Variants in IQSEC3 observed in about 807,000 individuals in gnomAD.
IQSEC3 encodes IQ motif and Sec7 domain ArfGEF 3, also known as IQ motif and SEC7 domain-containing protein 3.
Under a neutral mutation model 105.4 loss-of-function variants are expected in IQSEC3, and 50 were observed. The observed-to-expected ratio is 0.47, with a 90% confidence interval of 0.38 to 0.60. IQSEC3 has a LOEUF of 0.60. IQSEC3 is among the 20% of genes least tolerant of loss of function. The probability of loss-of-function intolerance (pLI) is 0.00; values close to 1 mark genes in which losing one functional copy is unlikely to be tolerated. For synonymous variants in IQSEC3, 708 were observed against 746.0 expected, an observed-to-expected ratio of 0.95 and a Z score of 0.83; for missense variants, 1,415 against 1,630.0, an observed-to-expected ratio of 0.87 and a Z score of 2.27.
chr12:86,406 C>T (rs551738820), intron 1 of IQSEC3, among the ~76,000 whole-genome samples: 131 of 152,218 alleles, frequency 8.6e-4, no homozygotes, highest in Non-Finnish European at 1.7e-3. Flanking sequence ...CTTTGCTGTC[C>T]CCATAATACT....
At chr12:78,444 G>C (rs1863632941) in intron 1 of IQSEC3, among the ~76,000 whole-genome samples, 1 of 151,738 alleles carries the variant, frequency 6.6e-6, no homozygotes, top group Non-Finnish European at 1.5e-5. Context: ...CGGTGACACC[G>C]AGGTACAAAT....
At chr12:92,084 T>C (rs1864105979) in intron 1 of IQSEC3, among the ~76,000 whole-genome samples, 1 of 152,090 alleles carries the variant, frequency 6.6e-6, no homozygotes, top group African/African-American at 2.4e-5. Context: ...ATGTTTAGGT[T>C]TTACCACATC....
chr12:120,359 TG>T (rs1555081653), intron 2 of IQSEC3, among the ~76,000 whole-genome samples: 1 of 151,966 alleles, frequency 6.6e-6, no homozygotes, highest in Non-Finnish European at 1.5e-5. Context: ...AAAGTATCAG[TG>T]TGGACGGAGT....
chr12:162,089 C>G (rs1833680072), intron 8 of IQSEC3, 24 bp downstream of exon 8: 1 of 1,609,786 alleles, frequency 6.2e-7, no homozygotes, highest in Admixed American at 1.7e-5. Context: ...AGCTACCTAT[C>G]TCCCGTCTCC....
At chr12:159,702 G>A (rs1326853973) in intron 7 of IQSEC3, among the ~76,000 whole-genome samples, 1 of 152,182 alleles carries the variant, frequency 6.6e-6, no homozygotes, top group Non-Finnish European at 1.5e-5. Flanking sequence ...GATGCATCTT[G>A]CTACAGTTCT....
intron 1 of IQSEC3, among the ~76,000 whole-genome samples, chr12:68,251 CA>C (rs1317073142): frequency 6.6e-6 from 1 of 151,438 alleles, no homozygotes; most frequent in African/African-American, 2.4e-5. Context: ...GTTTTTCATA[CA>C]GGGTGTTTGG....
chr12:117,209 G>T (rs782741268), intron 2 of IQSEC3, among the ~76,000 whole-genome samples: 2 of 152,118 alleles, frequency 1.3e-5, no homozygotes, highest in Admixed American at 1.3e-4. Flanking sequence ...CACAAGAGCA[G>T]ACGTGAAAGG....
At position 165,855 on chromosome 12, in the gene IQSEC3, C is replaced by T; in HGVS notation, c.2936C>T (p.Ala979Val). The change falls in exon 11 of 14, where the codon GCT (alanine) becomes GTT (valine). Residue 979 changes from alanine to valine, a missense_variant. Transcript: ENST00000538872. ...GTGGAGGACCTGAAGGAGTCCATTG[C>T]TGAGGTGACGGAGCTGGAGCAGATC... ...KFVEDLKESI[A>V]EVTELEQIRI... 6.2e-7 allele frequency: 1 copy of T among 1,614,106 alleles called. No homozygotes were observed. Among genetic ancestry groups the T allele is most frequent in the African/African-American group, 1.3e-5 (1 of 75,076 alleles).
At chr12:67,649 G>A (rs2136848058) in intron 1 of IQSEC3, among the ~76,000 whole-genome samples, 1 of 144,138 alleles carries the variant, frequency 6.9e-6, no homozygotes, top group South Asian at 2.1e-4. Context: ...GCAAAAAGGA[G>A]TAACCAGACC....
chr12:69,119 C>T (rs1392720822), intron 1 of IQSEC3, among the ~76,000 whole-genome samples: 1 of 152,210 alleles, frequency 6.6e-6, no homozygotes. Context: ...TTTCCAGTCC[C>T]CTTCCCTGAG....
chr12:139,210 C>G lies in IQSEC3; in HGVS notation c.1847C>G (p.Ser616Cys). The G allele has an allele frequency of 6.3e-7, 1 of 1,597,356 alleles. No homozygotes were observed. Among genetic ancestry groups the G allele is most frequent in the Non-Finnish European group, 8.5e-7 (1 of 1,174,140 alleles). ...SAKSGSEASASASKDALQAMI... is the reference protein window; with the variant it reads ...SAKSGSEASACASKDALQAMI... ...AAGTCAGGCTCGGAGGCGTCGGCCT[C>G]CGCCTCCAAGGACGCCCTGCAGGCC... is the stretch of plus-strand genomic sequence containing the variant. Residue 616 changes from serine to cysteine, a missense_variant, in exon 4 of 14, where the codon TCC becomes TGC. Around this residue, in one of 6 missense-constraint regions of IQSEC3, gnomAD observed 720 missense variants for 633.0 expected, o/e 1.14. Coordinates refer to ENST00000538872, the MANE Select transcript of IQSEC3 (RefSeq NM_001170738.2).
intron 3 of IQSEC3, among the ~76,000 whole-genome samples, chr12:133,537 G>A (rs782368797): frequency 1.1e-4 from 17 of 152,242 alleles, no homozygotes; most frequent in African/African-American, 2.4e-4. Context: ...AACATCTCTC[G>A]CCCTTGACTG....
At chr12:134,955 T>C (rs1378225149) in intron 3 of IQSEC3, among the ~76,000 whole-genome samples, 3 of 152,042 alleles carry the variant, frequency 2.0e-5, no homozygotes, top group Non-Finnish European at 2.9e-5. Context: ...GGCAAAACCC[T>C]GTCTCTACTT....
chr12:143,051 A>G (rs1866098179), intron 5 of IQSEC3, among the ~76,000 whole-genome samples: 1 of 152,206 alleles, frequency 6.6e-6, no homozygotes, highest in Non-Finnish European at 1.5e-5. Context: ...CAAGGCCCAC[A>G]TTGATCTGGA....
intron 5 of IQSEC3, among the ~76,000 whole-genome samples, chr12:149,724 G>C (rs191704476): frequency 3.4e-4 from 51 of 152,194 alleles, no homozygotes; most frequent in Non-Finnish European, 6.0e-4. Context: ...GGGGACAACG[G>C]AGGTCAGGGA....
In IQSEC3 at chr12:107,611, T is replaced by C. The variant is rs369965514; in HGVS notation, c.623+8397T>C. ...ATTTTTAGTAGAGACGGGGTTTCAC[T>C]GTGTTAGCCAGGATGGTCTCGATCT... On this transcript the variant is annotated intron_variant, in intron 2 of 13. Coordinates refer to ENST00000538872, the MANE Select transcript of IQSEC3 (RefSeq NM_001170738.2). 2.3e-3 allele frequency among the ~76,000 whole-genome samples: 353 copies of C among 151,114 alleles called. 2 individuals are homozygous for C. Among genetic ancestry groups the C allele is most frequent in the Non-Finnish European group, 1.8e-3 (122 of 67,696 alleles).
chr12:94,355 G>T (rs1164176403), intron 1 of IQSEC3, among the ~76,000 whole-genome samples: 2 of 152,232 alleles, frequency 1.3e-5, no homozygotes, highest in Non-Finnish European at 2.9e-5. Context: ...GCTAAGACAT[G>T]CCCAGGTCAG....
chr12:112,005 G>A (rs1864905183), intron 2 of IQSEC3, among the ~76,000 whole-genome samples: 1 of 152,160 alleles, frequency 6.6e-6, no homozygotes, highest in African/African-American at 2.4e-5. Flanking sequence ...TCTCTCCCCT[G>A]GTTCCTCATA....
At chr12:157,238 G>C (rs1262583412) in intron 6 of IQSEC3, 91 bp downstream of exon 6, 2 of 1,434,430 alleles carry the variant, frequency 1.4e-6, no homozygotes, top group Non-Finnish European at 9.2e-7. Context: ...ATGCTATCAG[G>C]AGGGTTGGAC....
Sources: gnomAD v4.1 joint callset for allele counts (sites outside exome capture counted in the v4.1 genomes callset) on GRCh38, gnomAD v4.1.1 for gene constraint, gnomAD v4.1.1 regional missense constraint, MANE v1.5 for transcripts, NCBI Gene and HGNC (gene_info 2026-07-23, HGNC 2026-07-21) for gene names.